The following SCAPER variants were observed in gnomAD, a reference collection of about 807,000 sequenced individuals.
SCAPER encodes S-phase cyclin A associated protein in the ER, also known as S phase cyclin A-associated protein in the endoplasmic reticulum.
Under a neutral mutation model 182.2 loss-of-function variants are expected in SCAPER, and 98 were observed. The ratio of observed to expected loss-of-function variants is 0.54; its 90% confidence interval spans 0.46 to 0.64. SCAPER has a LOEUF of 0.64. Among genes scored for constraint, SCAPER ranks in the 30% least tolerant of loss-of-function variants. The pLI is 0.00. For synonymous variants in SCAPER, 605 were observed against 564.6 expected (o/e 1.07, Z -1.01); for missense variants, 1,432 against 1,690.0 (o/e 0.85, Z 2.68).
At chr15:76,796,346 T>A (rs2065328566) in intron 7 of SCAPER, among the ~76,000 whole-genome samples, 1 of 152,218 alleles carries the variant, frequency 6.6e-6, no homozygotes, top group Non-Finnish European at 1.5e-5. Context: ...GTTCCCTTTA[T>A]CAAAGCTTCC....
chr15:76,505,082 A>G, intron 23 of SCAPER, 108 bp from the exon 24 acceptor site: 1 of 765,170 alleles, frequency 1.3e-6, no homozygotes, highest in South Asian at 1.8e-5. Context: ...TTCTACAAAT[A>G]TTATTTTATA....
intron 27 of SCAPER, among the ~76,000 whole-genome samples, chr15:76,395,508 T>C (rs1370156355): frequency 2.0e-5 from 3 of 152,212 alleles, no homozygotes; most frequent in African/African-American, 7.2e-5. Flanking sequence ...TTGCCAGCAT[T>C]TGTTATTGAA....
intron 29 of SCAPER, among the ~76,000 whole-genome samples, chr15:76,357,190 C>CACA (rs1364364928): frequency 7.5e-5 from 3 of 40,214 alleles, no homozygotes; most frequent in Non-Finnish European, 2.4e-4. Context: ...ACACACACAC[C>CACA]CCTATGGCCA....
chr15:76,558,785 G>A (rs541546916), intron 23 of SCAPER, among the ~76,000 whole-genome samples: 4 of 151,974 alleles, frequency 2.6e-5, no homozygotes, highest in South Asian at 2.1e-4. Context: ...GCCCATTCAC[G>A]GTGGACTGGA....
At chr15:76,733,561 C>T (rs2061056594) in intron 15 of SCAPER, among the ~76,000 whole-genome samples, 177 bp from the exon 16 acceptor site, 1 of 151,402 alleles carries the variant, frequency 6.6e-6, no homozygotes, top group Non-Finnish European at 1.5e-5. Flanking sequence ...CCAGCCTAGC[C>T]AATATGGTGA....
chr15:76,657,734 T>A (rs1567721581), intron 21 of SCAPER, among the ~76,000 whole-genome samples: 1 of 152,116 alleles, frequency 6.6e-6, no homozygotes, highest in Non-Finnish European at 1.5e-5. Flanking sequence ...CAAATAGACT[T>A]TATCCCTGGG....
intron 23 of SCAPER, among the ~76,000 whole-genome samples, chr15:76,517,893 C>T (rs1401905248): frequency 2.0e-5 from 3 of 151,566 alleles, no homozygotes; most frequent in African/African-American, 7.3e-5. Context: ...TATTAGCATT[C>T]ACTAGCAGCT....
chr15:76,831,398 C>T (rs183324394), intron 5 of SCAPER, among the ~76,000 whole-genome samples: 2 of 152,094 alleles, frequency 1.3e-5, no homozygotes, highest in East Asian at 1.9e-4. Flanking sequence ...CCCACCCTCC[C>T]ATAGGAGTGC....
At chr15:76,506,620 C>T (rs1394603799) in intron 23 of SCAPER, among the ~76,000 whole-genome samples, 1 of 152,006 alleles carries the variant, frequency 6.6e-6, no homozygotes, top group African/African-American at 2.4e-5. Flanking sequence ...AGAAGAAGCA[C>T]TCCAGGCAAA....
At chr15:76,815,141 C>A (rs1193746703) in intron 5 of SCAPER, among the ~76,000 whole-genome samples, 3 of 151,902 alleles carry the variant, frequency 2.0e-5, no homozygotes, top group African/African-American at 7.3e-5. Context: ...GTGAAGAAAA[C>A]CCTTGTACAC....
chr15:76,351,204 A>G (rs1381402319), intron 31 of SCAPER, 33 bp downstream of exon 31: 3 of 1,585,016 alleles, frequency 1.9e-6, no homozygotes, highest in Non-Finnish European at 1.7e-6. Context: ...TTGGCTAACA[A>G]ACACATGAAA....
chr15:76,765,561 A>G lies in SCAPER; in HGVS notation c.1495+2T>C. On this transcript the variant is annotated splice_donor_variant, in intron 12 of 31. Coordinates refer to ENST00000563290, the MANE Select transcript of SCAPER (RefSeq NM_020843.4). LOFTEE classifies it high-confidence loss of function. ...CACACCCAATATGCATATACACAAT[A>G]CCTTCATAATCTGCAAGGACATCGT... The G allele has an allele frequency of 1.9e-6, 3 of 1,598,582 alleles. No homozygotes were observed. Among genetic ancestry groups the G allele is most frequent in the Non-Finnish European group, 2.6e-6 (3 of 1,171,434 alleles).
chr15:76,480,427 G>C (rs1232563097), intron 24 of SCAPER, among the ~76,000 whole-genome samples: 1 of 152,234 alleles, frequency 6.6e-6, no homozygotes, highest in Non-Finnish European at 1.5e-5. Flanking sequence ...CACAGAATGA[G>C]ACGTAATCTA....
intron 21 of SCAPER, among the ~76,000 whole-genome samples, chr15:76,629,417 T>C (rs1265906310): frequency 1.3e-5 from 2 of 152,234 alleles, no homozygotes; most frequent in Non-Finnish European, 2.9e-5. Context: ...GCTCTTATTA[T>C]TATTGAAGTA....
At chr15:76,677,866 G>A (rs947290370) in intron 20 of SCAPER, among the ~76,000 whole-genome samples, 3 of 151,466 alleles carry the variant, frequency 2.0e-5, no homozygotes, top group African/African-American at 7.3e-5. Flanking sequence ...TAAGAGACAT[G>A]GGGAAAAAAA....
intron 9 of SCAPER, among the ~76,000 whole-genome samples, chr15:76,772,577 A>G (rs1225973413): frequency 6.6e-6 from 1 of 152,006 alleles, no homozygotes; most frequent in African/African-American, 2.4e-5. Flanking sequence ...GATTGAAAGC[A>G]TGTAGTGTCT....
At chr15:76,758,446 G>T (rs1387291484) in intron 14 of SCAPER, among the ~76,000 whole-genome samples, 1 of 152,108 alleles carries the variant, frequency 6.6e-6, no homozygotes, top group Non-Finnish European at 1.5e-5. Context: ...TGGTCTGTGT[G>T]TATGTTTGTA....
At chr15:76,659,750 A>G (rs143939897) in intron 21 of SCAPER, among the ~76,000 whole-genome samples, 24 of 151,310 alleles carry the variant, frequency 1.6e-4, no homozygotes, top group African/African-American at 5.3e-4. Context: ...TGTGGAAAAC[A>G]GGGAATGCTT....
At chr15:76,639,762 T>C (rs2053950859) in intron 21 of SCAPER, among the ~76,000 whole-genome samples, 2 of 144,378 alleles carry the variant, frequency 1.4e-5, no homozygotes, top group Non-Finnish European at 3.0e-5. Flanking sequence ...TCCCAAAATA[T>C]ATATACTATC....
Sources: gnomAD v4.1 joint callset for allele counts (sites outside exome capture counted in the v4.1 genomes callset) on GRCh38, gnomAD v4.1.1 for gene constraint, MANE v1.5 for transcripts, NCBI Gene and HGNC (gene_info 2026-07-23, HGNC 2026-07-21) for gene names.